Variants in COX5B observed in about 807,000 individuals in gnomAD.
The protein encoded by COX5B is cytochrome c oxidase subunit 5B, mitochondrial.
In COX5B, 8 loss-of-function variants were observed where a neutral mutation model predicts 16.2. That is an observed-to-expected ratio of 0.49 (90% CI 0.29 to 0.89). COX5B has a LOEUF of 0.89. COX5B is among the 40% of genes least tolerant of loss of function. COX5B has a pLI of 0.08. For synonymous variants in COX5B, 65 were observed against 67.6 expected (o/e 0.96, Z 0.19); for missense variants, 161 against 168.7 (o/e 0.95, Z 0.25).
In COX5B at chr2:97,648,184, CT is replaced by C; in HGVS notation, c.*78del. 6 of 1,176,524 alleles carry C rather than the reference CT, an allele frequency of 5.1e-6. No homozygotes were observed. 72.9% of individuals were successfully genotyped at this position (1,176,524 alleles called of 1,614,324 possible). On this transcript the variant is annotated 3_prime_UTR_variant, in exon 4 of 4. Transcript: ENST00000258424. ...TAAAGACTAGCCATTGCATTGGCTC[CT>C]TCTCCCATAGATGGCTGGTCTTATT...
At chr2:97,646,996 G>T in intron 1 of COX5B, 71 bp from the exon 2 acceptor site, 1 of 1,523,620 alleles carries the variant, frequency 6.6e-7, no homozygotes, top group South Asian at 1.1e-5. Context: ...CATTTTCCTT[G>T]ATCATTTCTG....
chr2:97,646,596 C>T (rs1287201695), intron 1 of COX5B: 3 of 208,202 alleles, frequency 1.4e-5, no homozygotes, highest in Non-Finnish European at 3.0e-5. Context: ...AACTGTAATC[C>T]CAGCACTTTG....
At chr2:97,646,473 A>G (rs11695635) in intron 1 of COX5B, 1 of 423,418 alleles carries the variant, frequency 2.4e-6, no homozygotes, top group Non-Finnish European at 4.2e-6. Flanking sequence ...CCTCCCTTCA[A>G]ACCTGCGCCC....
In COX5B at chr2:97,647,324, G is replaced by GTT; in HGVS notation, c.178-15_178-14dup. On this transcript the variant is annotated intron_variant, in intron 2 of 3. Coordinates refer to ENST00000258424, the MANE Select transcript of COX5B (RefSeq NM_001862.3). The stretch of plus-strand genomic sequence containing the variant: ...ATTCTTGTTTTTTTTGTTTTGTTTT[G>GTT]TTTTTTGTTTTTTCTTCAGGACCCA... 6.3e-7 allele frequency: 1 copy of GTT among 1,599,510 alleles called. No homozygotes were observed. Among genetic ancestry groups the GTT allele is most frequent in the African/African-American group, 1.4e-5 (1 of 73,894 alleles).
chr2:97,646,885 T>G, intron 1 of COX5B, 182 bp from the exon 2 acceptor site: 1 of 549,916 alleles, frequency 1.8e-6, no homozygotes. Context: ...GTGCTGCCGC[T>G]TGTGTGGATG....
chr2:97,647,384 C>T lies in COX5B; in HGVS notation c.218C>T (p.Thr73Ile). The change falls in exon 3 of 4, where the codon ACC becomes ATC. Residue 73 changes from threonine (T) to isoleucine (I), a missense_variant. Transcript: ENST00000258424. ...CTGGCCCCAAAGGGAGCTTCAGGCA[C>T]CAGGGAAGACCCTAATTTAGTCCCC... ...NVLAPKGASG[T>I]REDPNLVPSI... The T allele has an allele frequency of 6.2e-7, 1 of 1,614,104 alleles. No individual in the cohort carries two copies. Among genetic ancestry groups the T allele is most frequent in the Non-Finnish European group, 8.5e-7 (1 of 1,180,020 alleles).
chr2:97,646,285 G>C, intron 1 of COX5B, 96 bp downstream of exon 1: 1 of 766,128 alleles, frequency 1.3e-6, no homozygotes, highest in East Asian at 2.7e-5. Context: ...GCTTCTCGAG[G>C]TCCCAGTGGC....
chr2:97,647,539 G>T (rs1167201052), intron 3 of COX5B, 96 bp downstream of exon 3: 3 of 1,077,978 alleles, frequency 2.8e-6, no homozygotes, highest in East Asian at 4.7e-5. Context: ...GTGCATGTTG[G>T]TAAGTTTGTC....
Position 97,648,170 on chromosome 2 carries a change from C to A in COX5B, c.*62C>A. The A allele has an allele frequency of 7.4e-7, 1 of 1,354,704 alleles. No homozygotes were observed. The highest frequency in any genetic ancestry group is 1.0e-6 in the Non-Finnish European group (1 of 993,058). The allele number at this position is 1,354,704 out of a possible 1,614,324, so 83.9% of individuals were successfully genotyped here. ...TTTCTTCTTTCCAGTAAAGACTAGC[C>A]ATTGCATTGGCTCCTTCTCCCATAG... On this transcript the variant is annotated 3_prime_UTR_variant, in exon 4 of 4. Transcript: ENST00000258424.
intron 3 of COX5B, among the ~76,000 whole-genome samples, chr2:97,647,647 G>A (rs1050227378): frequency 6.6e-6 from 1 of 152,168 alleles, no homozygotes; most frequent in Non-Finnish European, 1.5e-5. Flanking sequence ...CTGGGAGTGC[G>A]GCATGAAGGA....
intron 3 of COX5B, 127 bp downstream of exon 3, chr2:97,647,570 A>T: frequency 1.2e-6 from 1 of 811,242 alleles, no homozygotes; most frequent in Admixed American, 2.2e-5. Context: ...GACACTCTCA[A>T]GCCTCATTAT....
rs1430408900 is a variant in COX5B at position 97,646,126 on chromosome 2, G to T, written c.40G>T (p.Ala14Ser). 6 of 1,557,604 alleles carry T rather than the reference G, an allele frequency of 3.9e-6. No homozygotes were observed. Among genetic ancestry groups the T allele is most frequent in the African/African-American group, 1.4e-5 (1 of 73,398 alleles). Residue 14 changes from alanine to serine, a missense_variant, in exon 1 of 4, where the codon GCG (alanine) becomes TCG (serine). By Grantham distance (99) the Ala-to-Ser change is moderately conservative (BLOSUM62 1). Coordinates refer to ENST00000258424, the MANE Select transcript of COX5B (RefSeq NM_001862.3). ...ACTTCGCGGAGCTGGAACGCTGGCCGCGCAGGCCCTGAGGGCTCGCGGCCC... is the reference window on the plus strand; with the variant it reads ...ACTTCGCGGAGCTGGAACGCTGGCCTCGCAGGCCCTGAGGGCTCGCGGCCC... ...RLLRGAGTLA[A>S]QALRARGPSG...
At position 97,648,042 on chromosome 2, in the gene COX5B, C is replaced by T. The variant is rs1674687459; in HGVS notation, c.324C>T (p.Gly108=). The T allele has an allele frequency of 5.6e-6, 9 of 1,613,614 alleles. No individual in the cohort carries two copies. The highest frequency in any genetic ancestry group is 3.3e-5 in the Admixed American group (2 of 59,886). The change falls in exon 4 of 4, where the codon GGC becomes GGT. Residue 108 remains glycine (G), a synonymous_variant. Coordinates refer to ENST00000258424, the MANE Select transcript of COX5B (RefSeq NM_001862.3). ...TSVVWFWLHK[G]EAQRCPRCGA... is the part of the protein sequence containing the mutation. ...TCGTCTGGTTTTGGCTGCACAAAGG[C>T]GAGGCCCAGCGATGCCCCCGCTGTG...
chr2:97,646,967 T>A (rs1020717404), intron 1 of COX5B, 100 bp from the exon 2 acceptor site: 1 of 1,234,476 alleles, frequency 8.1e-7, no homozygotes. Context: ...CTAAAACTTA[T>A]ACAGAAGTTT....
chr2:97,646,447 A>T, intron 1 of COX5B: 3 of 474,336 alleles, frequency 6.3e-6, no homozygotes, highest in Non-Finnish European at 1.1e-5. Context: ...TGCCACCGGG[A>T]TGGGGAGGGG....
rs1321049081 is a variant in COX5B, at chr2:97,648,090, C to T, written c.372C>T (p.Pro124=). 1 of 1,606,070 alleles carries T rather than the reference C, an allele frequency of 6.2e-7. No individual in the cohort carries two copies. Residue 124 remains proline (P), a synonymous_variant, in exon 4 of 4, where the codon CCC becomes CCT. Transcript: ENST00000258424. The part of the protein sequence containing the change: ...PRCGAHYKLV[P]QQLAH ...GTGGAGCCCATTACAAGCTGGTGCC[C>T]CAGCAGCTGGCACACTGAGCACCTG...
rs1674690168 is a variant in COX5B at position 97,648,166 on chromosome 2, T to C, written c.*58T>C. 9 of 1,396,702 alleles carry C rather than the reference T, an allele frequency of 6.4e-6. No homozygotes were observed. The African/African-American group carries it at 1.0e-4, about 16-fold the overall frequency. The allele number at this position is 1,396,702 out of a possible 1,614,324, so 86.5% of individuals were successfully genotyped here. ...AAAGTTTCTTCTTTCCAGTAAAGACTAGCCATTGCATTGGCTCCTTCTCCC... is the reference window on the plus strand; with the variant it reads ...AAAGTTTCTTCTTTCCAGTAAAGACCAGCCATTGCATTGGCTCCTTCTCCC... On this transcript the variant is annotated 3_prime_UTR_variant, in exon 4 of 4. Transcript: ENST00000258424.
intron 1 of COX5B, chr2:97,646,435 G>A: frequency 2.1e-6 from 1 of 487,252 alleles, no homozygotes; most frequent in Non-Finnish European, 3.6e-6. Flanking sequence ...AGGGACCGGG[G>A]CTGCCACCGG....
intron 1 of COX5B, 34 bp from the exon 2 acceptor site, chr2:97,647,033 A>G: frequency 1.2e-6 from 2 of 1,600,778 alleles, no homozygotes; most frequent in Non-Finnish European, 1.7e-6. Flanking sequence ...CAGTCATTTC[A>G]GTCAGCGTCA....
Sources: gnomAD v4.1 joint callset for allele counts (sites outside exome capture counted in the v4.1 genomes callset) on GRCh38, gnomAD v4.1.1 for gene constraint, MANE v1.5 for transcripts, NCBI Gene and HGNC (gene_info 2026-07-23, HGNC 2026-07-21) for gene names.